DCTD: variants seen among roughly 807,000 people sequenced by gnomAD.
The protein encoded by DCTD is deoxycytidylate deaminase.
In DCTD, 23 loss-of-function variants were observed where a neutral mutation model predicts 21.0. The ratio of observed to expected loss-of-function variants is 1.09; its 90% CI spans 0.79 to 1.55. DCTD has a LOEUF of 1.55. Among genes scored for constraint, DCTD ranks in the 40% most tolerant of loss-of-function variants. The pLI, the probability that DCTD is intolerant of heterozygous loss-of-function variation, is 0.00. For synonymous variants in DCTD, 71 were observed against 81.1 expected, an observed-to-expected ratio of 0.88 and a Z score of 0.67; for missense variants, 224 against 230.0, an observed-to-expected ratio of 0.97 and a Z score of 0.17.
At chr4:182,894,959 G>A (rs969563286) in intron 3 of DCTD, among the ~76,000 whole-genome samples, 2 of 152,262 alleles carry the variant, frequency 1.3e-5, no homozygotes, top group African/African-American at 2.4e-5. Flanking sequence ...GAAGTTCACC[G>A]TGGCTGTTAA....
At chr4:182,916,881 G>T (rs777882334) in intron 1 of DCTD, 1 of 1,013,722 alleles carries the variant, frequency 9.9e-7, no homozygotes. Context: ...GAGAACTGGA[G>T]CTCGAATACA....
intron 3 of DCTD, chr4:182,911,328 G>T (rs1469929146): frequency 1.3e-5 from 2 of 152,144 alleles, no homozygotes; most frequent in African/African-American, 2.4e-5. Context: ...TTGGAATTAG[G>T]GTTTCAACAT....
At chr4:182,913,291 G>A (rs565895736) in intron 3 of DCTD, among the ~76,000 whole-genome samples, 1 of 152,210 alleles carries the variant, frequency 6.6e-6, no homozygotes, top group African/African-American at 2.4e-5. Context: ...TTCCCACTCC[G>A]ACGAGGGAGG....
chr4:182,916,824 C>G, intron 1 of DCTD: 3 of 1,103,304 alleles, frequency 2.7e-6, no homozygotes, highest in Non-Finnish European at 3.4e-6. Context: ...TGTGGCTGAA[C>G]GCCCACTAGA....
chr4:182,904,612 C>G (rs530272968), intron 3 of DCTD, among the ~76,000 whole-genome samples: 3 of 152,104 alleles, frequency 2.0e-5, no homozygotes, highest in Admixed American at 2.0e-4. Flanking sequence ...GGGAAGCAAC[C>G]GCCCAACTCG....
At chr4:182,902,161 C>G (rs184874823) in intron 3 of DCTD, among the ~76,000 whole-genome samples, 2 of 152,148 alleles carry the variant, frequency 1.3e-5, no homozygotes, top group Non-Finnish European at 2.9e-5. Context: ...CTATCCTGCA[C>G]GTCAATAATT....
intron 5 of DCTD, 23 bp downstream of exon 5, chr4:182,893,008 C>A: frequency 1.3e-6 from 2 of 1,498,932 alleles, no homozygotes. Context: ...CCCCGTCCCC[C>A]CGCCCGCATT....
intron 3 of DCTD, among the ~76,000 whole-genome samples, chr4:182,914,379 C>T (rs183560889): frequency 6.6e-6 from 1 of 152,258 alleles, no homozygotes; most frequent in Non-Finnish European, 1.5e-5. Context: ...GAGGAAGCAA[C>T]TGGATCCTCC....
At chr4:182,906,046 C>G (rs573608771) in intron 3 of DCTD, among the ~76,000 whole-genome samples, 67 of 152,254 alleles carry the variant, frequency 4.4e-4, no homozygotes, top group African/African-American at 1.6e-3. Flanking sequence ...GCACCCACCC[C>G]CTCCAAGGCC....
Position 182,891,445 on chromosome 4 carries a change from A to G in DCTD, c.491T>C (p.Ile164Thr). The change falls in exon 6 of 6, where the codon ATT becomes ACT. Residue 164 changes from isoleucine to threonine, a missense_variant. Ile to Thr is a moderately conservative substitution (Grantham distance 89). Coordinates refer to ENST00000438320, the MANE Select transcript of DCTD (RefSeq NM_001921.3). ...KFIPKCSKIVIDFDSINSRPS... is the reference protein window; with the variant it reads ...KFIPKCSKIVTDFDSINSRPS... ...TCTGCTGTTAATTGAATCAAAGTCA[A>G]TGACAATCTTGCTGCACTTCGGTAT... 6.2e-7 allele frequency: 1 copy of G among 1,612,574 alleles called. No individual in the cohort carries two copies. The highest frequency in any genetic ancestry group is 8.5e-7 in the Non-Finnish European group (1 of 1,178,704).
In DCTD at chr4:182,891,210, A is replaced by C; in HGVS notation, c.*189T>G. On this transcript the variant is annotated 3_prime_UTR_variant, in exon 6 of 6. Transcript: ENST00000438320. ...CCCCTATTTTAAACCCTAAAGCAATAGTTCAAACACATGTAGATTCCATGT... is the reference window on the plus strand; with the variant it reads ...CCCCTATTTTAAACCCTAAAGCAATCGTTCAAACACATGTAGATTCCATGT... The C allele has an allele frequency of 1.8e-6, 1 of 555,532 alleles. No individual in the cohort carries two copies. The highest frequency in any genetic ancestry group is 2.7e-5 in the South Asian group (1 of 37,422). 34.4% of individuals were successfully genotyped at this position (555,532 alleles called of 1,614,324 possible).
At chr4:182,902,855 G>A (rs1735992592) in intron 3 of DCTD, among the ~76,000 whole-genome samples, 1 of 152,200 alleles carries the variant, frequency 6.6e-6, no homozygotes, top group African/African-American at 2.4e-5. Context: ...CAGTAGGACT[G>A]CTGAAGGAGT....
At chr4:182,895,948 C>T (rs1255371049) in intron 3 of DCTD, among the ~76,000 whole-genome samples, 5 of 152,200 alleles carry the variant, frequency 3.3e-5, no homozygotes, top group Admixed American at 6.5e-5. Context: ...CCAGCACATG[C>T]TATGCACACA....
chr4:182,902,657 G>A (rs184914163), intron 3 of DCTD, among the ~76,000 whole-genome samples: 4 of 152,342 alleles, frequency 2.6e-5, no homozygotes, highest in Admixed American at 1.3e-4. Flanking sequence ...TAAAACTTTC[G>A]CAGTTTCCCA....
intron 3 of DCTD, 147 bp downstream of exon 3, chr4:182,914,776 G>C: frequency 2.3e-6 from 2 of 882,566 alleles, no homozygotes; most frequent in Non-Finnish European, 3.5e-6. Flanking sequence ...TAAGAGACAA[G>C]GCCAGGAAAT....
chr4:182,899,402 T>TTC (rs1554049741), intron 3 of DCTD, among the ~76,000 whole-genome samples: 1 of 149,832 alleles, frequency 6.7e-6, no homozygotes, highest in African/African-American at 2.5e-5. Context: ...TTTTTTTCTT[T>TTC]TTCTTTTTTT....
chr4:182,898,203 T>C (rs1365586210), intron 3 of DCTD, among the ~76,000 whole-genome samples: 2 of 152,232 alleles, frequency 1.3e-5, no homozygotes, highest in East Asian at 3.9e-4. Flanking sequence ...GATGACTGCC[T>C]GGCCTGTGAC....
rs150419686 is a variant in DCTD, at chr4:182,891,876, G to A, written c.459-399C>T. 2.7e-3 allele frequency among the ~76,000 whole-genome samples: 409 copies of A among 151,318 alleles called. 3 individuals are homozygous for A. Among genetic ancestry groups the A allele is most frequent in the African/African-American group, 9.5e-3 (392 of 41,228 alleles). On this transcript the variant is annotated intron_variant, in intron 5 of 5. Coordinates refer to ENST00000438320, the MANE Select transcript of DCTD (RefSeq NM_001921.3). ...AAAAAATAGTAAATTTTCTTTTGCC[G>A]CTTATATATAGCAAAAAACGACTAC...
chr4:182,893,339 A>AT lies in DCTD; in HGVS notation c.362-213dup, dbSNP rs113149715. ...CTAATCTTCCCTCCAGTCTTTATGG[A>AT]TTTTTTTTTTAAACAAATGCAAAGG... On this transcript the variant is annotated intron_variant, in intron 4 of 5. Transcript: ENST00000438320. Among the ~76,000 whole-genome samples the AT allele has an allele frequency of 1.9e-3, 281 of 150,824 alleles. 1 individual carries two copies. Among genetic ancestry groups the AT allele is most frequent in the Non-Finnish European group, 2.7e-3 (181 of 67,524 alleles).
Sources: gnomAD v4.1 joint callset for allele counts (sites outside exome capture counted in the v4.1 genomes callset) on GRCh38, gnomAD v4.1.1 for gene constraint, MANE v1.5 for transcripts, NCBI Gene and HGNC (gene_info 2026-07-23, HGNC 2026-07-21) for gene names.